Variants in PCDHGB7 observed in about 807,000 individuals in gnomAD.
PCDHGB7 encodes protocadherin gamma subfamily B, 7, also known as protocadherin gamma-B7.
A neutral mutation model predicts 61.4 loss-of-function variants in PCDHGB7; 37 were observed. The observed-to-expected ratio is 0.60, with a 90% CI of 0.46 to 0.79. PCDHGB7 has a LOEUF of 0.79. Among genes scored for constraint, PCDHGB7 ranks in the 30% least tolerant of loss-of-function variants. PCDHGB7 has a pLI of 0.00. For missense variants in PCDHGB7, 1,166 were observed against 1,202.5 expected (o/e 0.97, Z 0.45); for synonymous variants, 464 against 503.5 (o/e 0.92, Z 1.05).
chr5:141,502,383 G>A (rs941410477), intron 2 of PCDHGB7, among the ~76,000 whole-genome samples: 2 of 151,846 alleles, frequency 1.3e-5, no homozygotes, highest in African/African-American at 4.8e-5. Context: ...CAGGCCAGTT[G>A]TACTTTAAAA....
intron 1 of PCDHGB7, among the ~76,000 whole-genome samples, chr5:141,465,486 G>C (rs1221398075): frequency 6.6e-6 from 1 of 152,216 alleles, no homozygotes; most frequent in African/African-American, 2.4e-5. Flanking sequence ...TGAGAGGAAT[G>C]AGCGGGAGCA....
chr5:141,507,810 G>A (rs550331241), intron 3 of PCDHGB7, among the ~76,000 whole-genome samples: 1 of 152,290 alleles, frequency 6.6e-6, no homozygotes, highest in African/African-American at 2.4e-5. Context: ...CCTGGGGAAC[G>A]GACCCTGGGG....
At position 141,486,622 on chromosome 5, in the gene PCDHGB7, C is replaced by T. The variant is rs1320329216; in HGVS notation, c.2416-8185C>T. On this transcript the variant is annotated intron_variant, in intron 1 of 3. Coordinates refer to ENST00000398594, the MANE Select transcript of PCDHGB7 (RefSeq NM_018927.4). The surrounding 1 kb of genome is among the most constrained non-coding windows in gnomAD (Gnocchi z 5.0). ...GCTCCCTTGCAGCCTCTGACCCAGACTCTGGCTTGAATGCGCTTATCTCCT... is the reference window on the plus strand; with the variant it reads ...GCTCCCTTGCAGCCTCTGACCCAGATTCTGGCTTGAATGCGCTTATCTCCT... 6.2e-7 allele frequency: 1 copy of T among 1,613,574 alleles called. No individual in the cohort carries two copies. The highest frequency in any genetic ancestry group is 8.5e-7 in the Non-Finnish European group (1 of 1,180,042).
intron 1 of PCDHGB7, chr5:141,422,964 G>A: frequency 1.2e-6 from 2 of 1,614,190 alleles, no homozygotes; most frequent in Non-Finnish European, 1.7e-6. Flanking sequence ...TGGAGCTGGC[G>A]CCCCGCTCTG....
At chr5:141,502,512 T>C (rs1029375922) in intron 2 of PCDHGB7, among the ~76,000 whole-genome samples, 2 of 152,212 alleles carry the variant, frequency 1.3e-5, no homozygotes, top group East Asian at 1.9e-4. Context: ...CCTGTCCCAC[T>C]ATCAGTGATG....
At chr5:141,422,289 T>G in intron 1 of PCDHGB7, 1 of 1,553,678 alleles carries the variant, frequency 6.4e-7, no homozygotes, top group African/African-American at 1.4e-5. Context: ...CCTCTTCTAT[T>G]AATTCAATTC....
chr5:141,508,737 C>T (rs919094477), intron 3 of PCDHGB7, among the ~76,000 whole-genome samples: 1 of 152,010 alleles, frequency 6.6e-6, no homozygotes, highest in Non-Finnish European at 1.5e-5. Flanking sequence ...CTACACCCCC[C>T]ACCCCGCTCT....
rs2154576188 is a variant in PCDHGB7 at position 141,477,933 on chromosome 5, T to C, written c.2416-16874T>C. ...GCGGATGCAGGGCACAATGCCTGGCTCTCCTACAGTCTCTTGGGATCCCCT... is the reference window on the plus strand; with the variant it reads ...GCGGATGCAGGGCACAATGCCTGGCCCTCCTACAGTCTCTTGGGATCCCCT... On this transcript the variant is annotated intron_variant, in intron 1 of 3. Coordinates refer to ENST00000398594, the MANE Select transcript of PCDHGB7 (RefSeq NM_018927.4). The surrounding 1 kb of genome is among the most constrained non-coding windows in gnomAD (Gnocchi z 4.9). 1.2e-6 allele frequency: 2 copies of C among 1,614,112 alleles called. No homozygotes were observed. Among genetic ancestry groups the C allele is most frequent in the Non-Finnish European group, 1.7e-6 (2 of 1,180,022 alleles).
At chr5:141,428,286 A>G in intron 1 of PCDHGB7, 1 of 730,462 alleles carries the variant, frequency 1.4e-6, no homozygotes, top group Non-Finnish European at 2.4e-6. Flanking sequence ...ATTCCCAAGC[A>G]AAGCTGCAGA....
At chr5:141,439,727 C>G (rs940325016) in intron 1 of PCDHGB7, 2 of 152,406 alleles carry the variant, frequency 1.3e-5, no homozygotes, top group Non-Finnish European at 2.9e-5. Context: ...AAATTATAAG[C>G]AGGAACGGAA....
At chr5:141,455,634 G>T (rs1429708887) in intron 1 of PCDHGB7, among the ~76,000 whole-genome samples, 1 of 152,110 alleles carries the variant, frequency 6.6e-6, no homozygotes, top group African/African-American at 2.4e-5. Context: ...GAGATATGTG[G>T]GGGGCAGCCA....
chr5:141,451,532 G>T (rs1168984212), intron 1 of PCDHGB7, among the ~76,000 whole-genome samples: 1 of 152,180 alleles, frequency 6.6e-6, no homozygotes, highest in African/African-American at 2.4e-5. Flanking sequence ...AAAGGAGAGT[G>T]CCAGAGAGGG....
At chr5:141,500,877 A>ATT (rs369345007) in intron 2 of PCDHGB7, among the ~76,000 whole-genome samples, 3 of 122,284 alleles carry the variant, frequency 2.5e-5, no homozygotes, top group Admixed American at 2.4e-4. Flanking sequence ...TTCATTTACA[A>ATT]TTTTTTTTTT....
intron 2 of PCDHGB7, among the ~76,000 whole-genome samples, chr5:141,500,838 GGCTTTT>G (rs2099802886): frequency 6.6e-6 from 1 of 151,878 alleles, no homozygotes. Flanking sequence ...AATGCTAATG[GGCTTTT>G]GCTACATTAG....
At chr5:141,503,099 C>T (rs1286557930) in intron 2 of PCDHGB7, among the ~76,000 whole-genome samples, 1 of 151,884 alleles carries the variant, frequency 6.6e-6, no homozygotes, top group Non-Finnish European at 1.5e-5. Context: ...GTGGTCTGCC[C>T]GCCCCTGCCT....
chr5:141,485,421 C>G lies in PCDHGB7; in HGVS notation c.2416-9386C>G. The G allele has an allele frequency of 6.2e-7, 1 of 1,614,112 alleles. No individual in the cohort carries two copies. The highest frequency in any genetic ancestry group is 1.1e-5 in the South Asian group (1 of 91,080). ...TTCCGTGTGGATTTGGACAGCGGAG[C>G]CCTGCTCATCAAGAACCCAATCGAC... On this transcript the variant is annotated intron_variant, in intron 1 of 3. Transcript: ENST00000398594. This position sits in a 1 kb window ranked among gnomAD's most constrained non-coding sequence, Gnocchi z 5.7.
Position 141,491,013 on chromosome 5 carries a change from G to C in PCDHGB7, c.2416-3794G>C. ...CTCCTCCTGGCTCCTTGGTCACCAA[G>C]GTGACAGCCGTGGATGCTGATGCAG... On this transcript the variant is annotated intron_variant, in intron 1 of 3. Transcript: ENST00000398594. The surrounding 1 kb of genome is among the most constrained non-coding windows in gnomAD (Gnocchi z 6.9). 6.2e-7 allele frequency: 1 copy of C among 1,614,144 alleles called. No homozygotes were observed. Among genetic ancestry groups the C allele is most frequent in the Non-Finnish European group, 8.5e-7 (1 of 1,180,040 alleles).
rs1368451336 is a variant in PCDHGB7 at position 141,505,377 on chromosome 5, C to T, written c.2475-16C>T. ...CGGCCTGGGAGTCTGTGCTCACCAT[C>T]CTACTCTCTCCCCAGCTCCCAAAAT... On this transcript the variant is annotated splice_polypyrimidine_tract_variant and intron_variant, in intron 2 of 3. Transcript: ENST00000398594. The T allele has an allele frequency of 6.2e-7, 1 of 1,614,036 alleles. No individual in the cohort carries two copies. Among genetic ancestry groups the T allele is most frequent in the Non-Finnish European group, 8.5e-7 (1 of 1,179,954 alleles).
rs1292277026 is a variant in PCDHGB7 at position 141,489,814 on chromosome 5, CCA to C, written c.2416-4992_2416-4991del. 6 of 1,614,024 alleles carry C rather than the reference CCA, an allele frequency of 3.7e-6. No homozygotes were observed. Among genetic ancestry groups the C allele is most frequent in the Non-Finnish European group, 8.5e-7 (1 of 1,180,004 alleles). ...GACCCTAAAAGATGGGAAGCCATTC[CCA>C]GAGCTGGTGCTAGAGCAGCAGCTGG... On this transcript the variant is annotated intron_variant, in intron 1 of 3. Transcript: ENST00000398594. This position sits in a 1 kb window ranked among gnomAD's most constrained non-coding sequence, Gnocchi z 4.5.
Sources: gnomAD v4.1 joint callset for allele counts (sites outside exome capture counted in the v4.1 genomes callset) on GRCh38, gnomAD v4.1.1 for gene constraint, Gnocchi (gnomAD v3.1) non-coding constraint, MANE v1.5 for transcripts, NCBI Gene and HGNC (gene_info 2026-07-23, HGNC 2026-07-21) for gene names.